TCOF1: variants seen among roughly 807,000 people sequenced by gnomAD.
The protein encoded by TCOF1 is treacle protein.
A neutral mutation model predicts 149.0 loss-of-function variants in TCOF1; 33 were observed. The observed-to-expected ratio is 0.22, with a 90% confidence interval of 0.17 to 0.30. The LOEUF (loss-of-function observed/expected upper bound fraction) is 0.30. Among genes scored for constraint, TCOF1 ranks in the 10% least tolerant of loss-of-function variants. The probability of loss-of-function intolerance (pLI) is 1.00; values close to 1 mark genes in which losing one functional copy is unlikely to be tolerated. For missense variants in TCOF1, 1,728 were observed against 1,840.7 expected (o/e 0.94, Z 1.12); for synonymous variants, 789 against 738.8 (o/e 1.07, Z -1.10).
rs1464007838 is a variant in TCOF1, at chr5:150,366,900, C to T, written c.305-944C>T. ...CGATCTCCTGACCTCATGATCCACC[C>T]GCCTCGGCCTCCCAAAGTGCTGGGA... is the stretch of plus-strand genomic sequence containing the variant. On this transcript the variant is annotated intron_variant, in intron 3 of 26. Transcript: ENST00000643257. 2.2e-4 allele frequency among the ~76,000 whole-genome samples: 4 copies of T among 17,820 alleles called. 1 individual carries two copies. The East Asian group carries it at 4.4e-3, about 20-fold the overall frequency. The allele number at this position is 17,820 out of a possible 152,430, so 11.7% of individuals were successfully genotyped here.
In TCOF1 at chr5:150,370,660, C is replaced by T. The variant is rs1006820992; in HGVS notation, c.639+1058C>T. 2.5e-4 allele frequency among the ~76,000 whole-genome samples: 38 copies of T among 152,256 alleles called. 1 individual carries two copies. The highest frequency in any genetic ancestry group is 8.4e-4 in the African/African-American group (35 of 41,554). Reference sequence around the variant, plus strand: ...CATGAGCCGCCACGCCTGGCCAAAACCTTGATCTTTAAATGAGAGGGAGAA... The same window carrying T: ...CATGAGCCGCCACGCCTGGCCAAAATCTTGATCTTTAAATGAGAGGGAGAA... On this transcript the variant is annotated intron_variant, in intron 6 of 26. Transcript: ENST00000643257.
Position 150,374,350 on chromosome 5 carries a change from TGAG to T in TCOF1, c.1054_1056del (p.Glu352del), listed in dbSNP as rs1369660924. The stretch of plus-strand genomic sequence containing the variant: ...GCAGCAGCGAGGAGTCATCTGACAG[TGAG>T]GAGGAGACGCCAGCTGCCAAGGCCC... On this transcript the variant is annotated inframe_deletion, in exon 8 of 27. Transcript: ENST00000643257. 2 of 1,560,860 alleles carry T rather than the reference TGAG, an allele frequency of 1.3e-6. No homozygotes were observed. The highest frequency in any genetic ancestry group is 2.7e-5 in the African/African-American group (2 of 73,030).
In TCOF1 at chr5:150,378,962, C is replaced by A. The variant is rs754915632; in HGVS notation, c.2398C>A (p.Pro800Thr). 5.0e-6 allele frequency: 8 copies of A among 1,614,136 alleles called. No homozygotes were observed. The highest frequency in any genetic ancestry group is 5.9e-6 in the Non-Finnish European group (7 of 1,180,032). The change falls in exon 15 of 27, where the codon CCT becomes ACT. Residue 800 changes from proline to threonine, a missense_variant. Physicochemically the swap from Pro to Thr is conservative, Grantham distance 38. Transcript: ENST00000643257. ...AGCCAACCCAGCTGCCGCCAGAGCA[C>A]CTTCAGCAAAAGGGACAATTTCAGC... The part of the protein sequence containing the change: ...AKANPAAARA[P>T]SAKGTISAPG...
In TCOF1 at chr5:150,389,899, A is replaced by T; in HGVS notation, c.3059A>T (p.Asn1020Ile). ...TQCLTPGIRT[N>I]VVTMPTAHPR... ...CGCTCCATTTCAGGCATCAGAACCA[A>T]TGTGGTGACCATGCCCACTGCCCAC... The change falls in exon 19 of 27, where the codon AAT (asparagine) becomes ATT (isoleucine). Residue 1020 changes from asparagine (N) to isoleucine (I), a missense_variant. This residue lies in a region of TCOF1 where 1,696 missense variants were observed against 1,765.4 expected (regional missense o/e 0.96). Transcript: ENST00000643257. 1 of 1,614,224 alleles carries T rather than the reference A, an allele frequency of 6.2e-7. No individual in the cohort carries two copies. The highest frequency in any genetic ancestry group is 8.5e-7 in the Non-Finnish European group (1 of 1,180,032).
chr5:150,385,152 A>G (rs1766027464), intron 17 of TCOF1: 1 of 919,154 alleles, frequency 1.1e-6, no homozygotes, highest in Non-Finnish European at 1.3e-6. Flanking sequence ...CCACAAATAT[A>G]TGCAGTTTCA....
chr5:150,389,766 C>T lies in TCOF1; in HGVS notation c.3047-121C>T, dbSNP rs574586758. On this transcript the variant is annotated intron_variant, in intron 18 of 26. Transcript: ENST00000643257. The stretch of plus-strand genomic sequence containing the variant: ...GAGGGAAGTAAACAAGCTTCTACCT[C>T]TGTAAGCCCTGAGCACAGCTCTAGA... 18 of 1,563,870 alleles carry T rather than the reference C, an allele frequency of 1.2e-5. No homozygotes were observed. In the South Asian group the frequency reaches 1.8e-4, roughly 16 times the overall value.
chr5:150,383,112 C>G, intron 17 of TCOF1: 1 of 1,536,044 alleles, frequency 6.5e-7, no homozygotes, highest in Non-Finnish European at 8.7e-7. Context: ...CCCCAGCACC[C>G]CCAGAGAGGA....
Position 150,369,735 on chromosome 5 carries a change from G to A in TCOF1, c.639+133G>A, listed in dbSNP as rs959287632. On this transcript the variant is annotated intron_variant, in intron 6 of 26. Transcript: ENST00000643257. ...GGTAGGGTGACCAGGAGCTGGAAAG[G>A]CTGCAGCCGGAGAGGGGCAGGGAGA... 8.0e-6 allele frequency: 8 copies of A among 1,005,360 alleles called. No homozygotes were observed. In the African/African-American group the frequency reaches 8.0e-5, roughly 10 times the overall value. 62.3% of individuals were successfully genotyped at this position (1,005,360 alleles called of 1,614,324 possible).
Position 150,396,737 on chromosome 5 carries a change from G to T in TCOF1, c.4240G>T (p.Ala1414Ser). Residue 1414 changes from alanine (A) to serine (S), a missense_variant, in exon 24 of 27, where the codon GCC becomes TCC. Ala to Ser is a moderately conservative substitution (Grantham distance 99). Around this residue, in one of 2 missense-constraint regions of TCOF1, gnomAD observed 1,696 missense variants for 1,765.4 expected, o/e 0.96. Coordinates refer to ENST00000643257, the MANE Select transcript of TCOF1 (RefSeq NM_001371623.1). ...KGKGSLGSQG[A>S]KDEPEEELQK... ...GAAGGGGTCTCTTGGCTCCCAAGGG[G>T]CCAAGGACGAGCCAGAAGAGGAGCT... is the stretch of plus-strand genomic sequence containing the variant. 3 of 1,612,206 alleles carry T rather than the reference G, an allele frequency of 1.9e-6. No individual in the cohort carries two copies. Among genetic ancestry groups the T allele is most frequent in the Non-Finnish European group, 2.5e-6 (3 of 1,179,426 alleles).
rs760976172 is a variant in TCOF1 at position 150,396,499 on chromosome 5, C to T, written c.4002C>T (p.Thr1334=). ...LEQERKKVVD[T]TKESSRKGWE... ...AGGAAAGAAAGAAGGTGGTGGACAC[C>T]ACCAAGGAGAGCAGCAGGAAGGGCT... The change falls in exon 24 of 27, where the codon ACC becomes ACT. Residue 1334 remains threonine (T), a synonymous_variant. Coordinates refer to ENST00000643257, the MANE Select transcript of TCOF1 (RefSeq NM_001371623.1). The T allele has an allele frequency of 6.2e-7, 1 of 1,613,150 alleles. No homozygotes were observed. The highest frequency in any genetic ancestry group is 1.1e-5 in the South Asian group (1 of 90,998).
intron 24 of TCOF1, among the ~76,000 whole-genome samples, chr5:150,397,232 G>A (rs1225973195): frequency 1.3e-5 from 2 of 149,220 alleles, no homozygotes; most frequent in South Asian, 2.1e-4. Context: ...GCCCGAACTC[G>A]ATTCCAGAGC....
chr5:150,398,580 C>G (rs1769083952), intron 25 of TCOF1, 129 bp downstream of exon 25: 1 of 1,424,170 alleles, frequency 7.0e-7, no homozygotes, highest in South Asian at 1.2e-5. Context: ...GGGGTTGTGA[C>G]ACACCAGGGA....
At position 150,379,214 on chromosome 5, in the gene TCOF1, C is replaced by T; in HGVS notation, c.2479-15C>T. The T allele has an allele frequency of 8.1e-6, 13 of 1,614,188 alleles. No individual in the cohort carries two copies. Among genetic ancestry groups the T allele is most frequent in the Non-Finnish European group, 1.0e-5 (12 of 1,180,034 alleles). On this transcript the variant is annotated splice_polypyrimidine_tract_variant and intron_variant, in intron 15 of 26. Coordinates refer to ENST00000643257, the MANE Select transcript of TCOF1 (RefSeq NM_001371623.1). Reference sequence around the variant, plus strand: ...TCACTTTTGCCTCCAATACTATTATCCCCCTGCAATTCAGGTGAAGCCACC... The same window carrying T: ...TCACTTTTGCCTCCAATACTATTATTCCCCTGCAATTCAGGTGAAGCCACC...
Position 150,364,135 on chromosome 5 carries a change from C to T in TCOF1, c.187C>T (p.Arg63Trp), listed in dbSNP as rs367964727. The T allele has an allele frequency of 4.1e-5, 66 of 1,614,042 alleles. No homozygotes were observed. Among genetic ancestry groups the T allele is most frequent in the East Asian group, 3.8e-4 (17 of 44,878 alleles). Residue 63 changes from arginine to tryptophan, a missense_variant, in exon 3 of 27, where the codon CGG (arginine) becomes TGG (tryptophan). By Grantham distance (101) the Arg-to-Trp change is moderately radical. Around this residue, in one of 2 missense-constraint regions of TCOF1, gnomAD observed 1,696 missense variants for 1,765.4 expected, o/e 0.96. Coordinates refer to ENST00000643257, the MANE Select transcript of TCOF1 (RefSeq NM_001371623.1). Reference sequence around the variant, plus strand: ...CAGAACCTCAGAGCTTGGTCGGAAGCGGAAGGCAGAGGAAGATGCGGCACT... The same window carrying T: ...CAGAACCTCAGAGCTTGGTCGGAAGTGGAAGGCAGAGGAAGATGCGGCACT... ...WQQTSELGRK[R>W]KAEEDAALQA...
In TCOF1 at chr5:150,374,500, C is replaced by CT. The variant is rs1763262817; in HGVS notation, c.1084-115dup. On this transcript the variant is annotated intron_variant, in intron 8 of 26. Coordinates refer to ENST00000643257, the MANE Select transcript of TCOF1 (RefSeq NM_001371623.1). Reference sequence around the variant, plus strand: ...CCGGGCGTGCCTCAGACCCCAGCCCCTTACTCCCCTCTCACTGTGTGGCAT... The same window carrying CT: ...CCGGGCGTGCCTCAGACCCCAGCCCCTTTACTCCCCTCTCACTGTGTGGCAT... The CT allele has an allele frequency of 8.5e-5, 133 of 1,565,050 alleles. 1 individual carries two copies. In the South Asian group the frequency reaches 1.4e-3, roughly 17 times the overall value.
At chr5:150,367,796 A>G in intron 3 of TCOF1, 48 bp from the exon 4 acceptor site, 1 of 1,607,078 alleles carries the variant, frequency 6.2e-7, no homozygotes, top group Non-Finnish European at 8.5e-7. Flanking sequence ...CCATTCATAG[A>G]TGAGAAAAGC....
intron 17 of TCOF1, among the ~76,000 whole-genome samples, chr5:150,381,871 T>TG (rs1208550740): frequency 6.6e-6 from 1 of 152,210 alleles, no homozygotes; most frequent in South Asian, 2.1e-4. Context: ...ACTAGCTTTA[T>TG]GGTCATAGCA....
intron 3 of TCOF1, among the ~76,000 whole-genome samples, chr5:150,365,984 G>T (rs1054288324): frequency 6.6e-6 from 1 of 151,936 alleles, no homozygotes; most frequent in Non-Finnish European, 1.5e-5. Context: ...AGCCAGGCAT[G>T]GTGGCGTGTG....
chr5:150,376,537 C>A lies in TCOF1; in HGVS notation c.2257C>A (p.Gln753Lys), dbSNP rs1490116413. 1 of 1,609,044 alleles carries A rather than the reference C, an allele frequency of 6.2e-7. No homozygotes were observed. The highest frequency in any genetic ancestry group is 1.3e-5 in the African/African-American group (1 of 74,796). ...TGGGAAGACGGGGCCTACAGTCACCCAGGTGAAAGCTGAAAAGCAGGAAGA... is the reference window on the plus strand; with the variant it reads ...TGGGAAGACGGGGCCTACAGTCACCAAGGTGAAAGCTGAAAAGCAGGAAGA... ...LPGKTGPTVT[Q>K]VKAEKQEDSE... Residue 753 changes from glutamine to lysine, a missense_variant, in exon 14 of 27, where the codon CAG becomes AAG. By Grantham distance (53) the Gln-to-Lys change is moderately conservative. Transcript: ENST00000643257.
Sources: gnomAD v4.1 joint callset for allele counts (sites outside exome capture counted in the v4.1 genomes callset) on GRCh38, gnomAD v4.1.1 for gene constraint, gnomAD v4.1.1 regional missense constraint, MANE v1.5 for transcripts, NCBI Gene and HGNC (gene_info 2026-07-23, HGNC 2026-07-21) for gene names.